ATP2B2: variants seen among roughly 807,000 people sequenced by gnomAD.
The protein encoded by ATP2B2 is plasma membrane calcium-transporting ATPase 2.
Under a neutral mutation model 120.0 loss-of-function variants are expected in ATP2B2, and 15 were observed. The observed-to-expected ratio is 0.12, with a 90% CI of 0.08 to 0.19. The LOEUF is 0.19. Among genes scored for constraint, ATP2B2 ranks in the 10% least tolerant of loss-of-function variants. The pLI is 1.00. For missense variants in ATP2B2, 1,045 were observed against 1,719.8 expected, an observed-to-expected ratio of 0.61 and a Z score of 6.94; for synonymous variants, 694 against 700.3, an observed-to-expected ratio of 0.99 and a Z score of 0.14.
intron 1 of ATP2B2, among the ~76,000 whole-genome samples, chr3:10,505,231 C>T (rs1469212178): frequency 6.6e-6 from 1 of 152,098 alleles, no homozygotes; most frequent in Non-Finnish European, 1.5e-5. Context: ...CCACAACACG[C>T]GGACCCTCAC....
At chr3:10,650,873 C>T (rs114832316) in intron 1 of ATP2B2, among the ~76,000 whole-genome samples, 3,565 of 152,324 alleles carry the variant, frequency 0.023, 70 homozygotes, top group South Asian at 0.086. Context: ...CCCAAGGCCA[C>T]GGGAGCCCAC....
At chr3:10,521,306 C>A (rs2066980392) in intron 3 of ATP2B2, among the ~76,000 whole-genome samples, 1 of 152,174 alleles carries the variant, frequency 6.6e-6, no homozygotes, top group African/African-American at 2.4e-5. Flanking sequence ...CAGAGAAGCC[C>A]CCATAAACAA....
In ATP2B2 at chr3:10,585,493, GAAAAAA is replaced by G. The variant is rs60670471; in HGVS notation, c.-415+34418_-415+34423del. Among the ~76,000 whole-genome samples the G allele has an allele frequency of 7.8e-3, 221 of 28,508 alleles. 3 individuals are homozygous for G. Among genetic ancestry groups the G allele is most frequent in the African/African-American group, 0.034 (206 of 6,084 alleles). The allele number at this position is 28,508 out of a possible 152,430, so 18.7% of individuals were successfully genotyped here. On this transcript the variant is annotated intron_variant, in intron 2 of 21. Transcript: ENST00000646379. ...TGGGCGACAGAGCGAGACTCCGTCT[GAAAAAA>G]AAAAAAAAAAAAAAAAAAGATCCAG...
chr3:10,670,717 G>A (rs950581762), intron 1 of ATP2B2, among the ~76,000 whole-genome samples: 2 of 152,136 alleles, frequency 1.3e-5, no homozygotes, highest in Non-Finnish European at 2.9e-5. Context: ...CACGGGGCCC[G>A]GCCCTGATAT....
chr3:10,631,457 C>G (rs532499280), intron 1 of ATP2B2, among the ~76,000 whole-genome samples: 2 of 152,316 alleles, frequency 1.3e-5, no homozygotes, highest in East Asian at 3.9e-4. Context: ...CAAGGTCACA[C>G]AGTTGGCAAG....
chr3:10,418,594 C>A (rs113746344), intron 2 of ATP2B2, among the ~76,000 whole-genome samples: 200 of 152,262 alleles, frequency 1.3e-3, no homozygotes, highest in African/African-American at 4.6e-3. Context: ...TTCTGAGGCC[C>A]CATGGGGCTG....
intron 2 of ATP2B2, among the ~76,000 whole-genome samples, chr3:10,545,865 T>C (rs546614376): frequency 4.6e-5 from 7 of 152,324 alleles, no homozygotes; most frequent in Non-Finnish European, 8.8e-5. Context: ...AAGTAATTTT[T>C]ATGACCTAGG....
At chr3:10,381,329 T>C (rs2061524752) in intron 8 of ATP2B2, among the ~76,000 whole-genome samples, 2 of 152,216 alleles carry the variant, frequency 1.3e-5, no homozygotes, top group African/African-American at 4.8e-5. Context: ...ATTATTTTTA[T>C]TTTCTAAAAT....
chr3:10,540,630 A>G (rs181071081), intron 2 of ATP2B2, among the ~76,000 whole-genome samples: 1 of 150,200 alleles, frequency 6.7e-6, no homozygotes, highest in African/African-American at 2.4e-5. Context: ...CAGAAAACCA[A>G]ACATTGCGTG....
intron 22 of ATP2B2, among the ~76,000 whole-genome samples, chr3:10,333,028 G>A (rs1344048709): frequency 6.6e-6 from 1 of 152,190 alleles, no homozygotes; most frequent in East Asian, 1.9e-4. Context: ...TGTGACTGCG[G>A]TCAGGCTTAC....
At chr3:10,383,902 C>T (rs2061599382) in intron 8 of ATP2B2, among the ~76,000 whole-genome samples, 1 of 152,184 alleles carries the variant, frequency 6.6e-6, no homozygotes, top group African/African-American at 2.4e-5. Context: ...TCACAAAGCT[C>T]AGCAGGCTCA....
In ATP2B2 at chr3:10,391,722, T is replaced by C. The variant is rs375334275; in HGVS notation, c.782-3320A>G. 6.6e-5 allele frequency among the ~76,000 whole-genome samples: 10 copies of C among 152,080 alleles called. No homozygotes were observed. The East Asian group carries it at 1.4e-3, about 21-fold the overall frequency. On this transcript the variant is annotated intron_variant, in intron 5 of 22. Coordinates refer to ENST00000360273, the MANE Select transcript of ATP2B2 (RefSeq NM_001001331.4). Reference sequence around the variant, plus strand: ...TCTACAATCCCCAGTCCTCCCTCCCTCTGTCCTCCGGTATCCCCAAGCCTC... The same window carrying C: ...TCTACAATCCCCAGTCCTCCCTCCCCCTGTCCTCCGGTATCCCCAAGCCTC...
At chr3:10,590,804 G>A (rs1226136481) in intron 2 of ATP2B2, among the ~76,000 whole-genome samples, 1 of 152,296 alleles carries the variant, frequency 6.6e-6, no homozygotes, top group East Asian at 1.9e-4. Flanking sequence ...ACCCGTGCAT[G>A]TGCCTTCAAG....
intron 1 of ATP2B2, among the ~76,000 whole-genome samples, chr3:10,485,959 A>G (rs1575378543): frequency 6.6e-6 from 1 of 151,804 alleles, no homozygotes; most frequent in South Asian, 2.1e-4. Context: ...GCATCATGAA[A>G]CTCAGCCAGC....
At position 10,386,530 on chromosome 3, in the gene ATP2B2, A is replaced by C; in HGVS notation, c.908-18T>G. 6.2e-7 allele frequency: 1 copy of C among 1,614,088 alleles called. No homozygotes were observed. Among genetic ancestry groups the C allele is most frequent in the Non-Finnish European group, 8.5e-7 (1 of 1,179,922 alleles). On this transcript the variant is annotated intron_variant, in intron 6 of 22. Transcript: ENST00000360273. ...CTTCACACCTGTGTGATGATTTTTGAGACATGTTAATGAAGGAGAAGCACA... is the reference window on the plus strand; with the variant it reads ...CTTCACACCTGTGTGATGATTTTTGCGACATGTTAATGAAGGAGAAGCACA...
chr3:10,692,118 T>C (rs2071674936), intron 1 of ATP2B2, among the ~76,000 whole-genome samples: 1 of 152,214 alleles, frequency 6.6e-6, no homozygotes, highest in Non-Finnish European at 1.5e-5. Context: ...TCAAAGTGGC[T>C]CTATTTTTTA....
chr3:10,517,325 G>A (rs2125448104), intron 3 of ATP2B2, among the ~76,000 whole-genome samples: 1 of 152,332 alleles, frequency 6.6e-6, no homozygotes, highest in East Asian at 1.9e-4. Context: ...AGCCTGGGGA[G>A]GGAGGTGGTG....
chr3:10,384,039 T>G (rs564442761), intron 8 of ATP2B2, among the ~76,000 whole-genome samples: 13 of 152,306 alleles, frequency 8.5e-5, no homozygotes, highest in African/African-American at 2.6e-4. Flanking sequence ...CTCCCCAAGC[T>G]GTCATCCTTC....
intron 1 of ATP2B2, among the ~76,000 whole-genome samples, chr3:10,488,288 T>C (rs147588951): frequency 0.64 from 72,730 of 113,518 alleles, 24,843 homozygotes; most frequent in East Asian, 0.85. Flanking sequence ...CATGCATCCA[T>C]CCACCCACCC....
Sources: allele counts gnomAD v4.1 joint callset (sites outside exome capture counted in the v4.1 genomes callset), GRCh38; gene constraint gnomAD v4.1.1; transcripts MANE v1.5; gene names NCBI Gene and HGNC (gene_info 2026-07-23, HGNC 2026-07-21).